KDM4B: variants seen among roughly 807,000 people sequenced by gnomAD.
KDM4B encodes lysine-specific demethylase 4B.
A neutral mutation model predicts 125.2 loss-of-function variants in KDM4B; 32 were observed. The observed-to-expected ratio is 0.26, with a 90% CI of 0.19 to 0.34. The LOEUF (loss-of-function observed/expected upper bound fraction) is 0.34. KDM4B is among the 10% of genes least tolerant of loss of function. KDM4B has a pLI of 1.00. For missense variants in KDM4B, 1,190 were observed against 1,577.7 expected, an observed-to-expected ratio of 0.75 and a Z score of 4.16; for synonymous variants, 721 against 677.9, an observed-to-expected ratio of 1.06 and a Z score of -0.99.
At chr19:5,014,020 G>A (rs1290279458) in intron 1 of KDM4B, among the ~76,000 whole-genome samples, 1 of 152,246 alleles carries the variant, frequency 6.6e-6, no homozygotes, top group South Asian at 2.1e-4. Context: ...CTTCCTACCC[G>A]GGGCGGGGCC....
chr19:5,132,075 G>C (rs954510121), intron 13 of KDM4B, 68 bp downstream of exon 13: 2 of 1,484,292 alleles, frequency 1.3e-6, no homozygotes, highest in Admixed American at 2.4e-5. Flanking sequence ...CTGGAGGGGG[G>C]GCCTGGCTCC....
At chr19:5,007,304 T>A (rs2035591474) in intron 1 of KDM4B, among the ~76,000 whole-genome samples, 1 of 152,198 alleles carries the variant, frequency 6.6e-6, no homozygotes, top group Non-Finnish European at 1.5e-5. Flanking sequence ...CCTCTCCTCT[T>A]CTCCCTTGCT....
intron 1 of KDM4B, among the ~76,000 whole-genome samples, chr19:4,973,470 T>A (rs1483078738): frequency 6.6e-6 from 1 of 152,230 alleles, no homozygotes; most frequent in African/African-American, 2.4e-5. Context: ...ATTACAGGCA[T>A]GAGCCACTAT....
intron 1 of KDM4B, among the ~76,000 whole-genome samples, chr19:4,986,328 T>C (rs975802891): frequency 6.6e-6 from 1 of 152,192 alleles, no homozygotes; most frequent in African/African-American, 2.4e-5. Flanking sequence ...CTTGGGGCAG[T>C]GTCTCCGTGT....
At chr19:4,988,521 C>T (rs1344698143) in intron 1 of KDM4B, among the ~76,000 whole-genome samples, 4 of 152,252 alleles carry the variant, frequency 2.6e-5, no homozygotes, top group South Asian at 2.1e-4. Flanking sequence ...GTGATCCACC[C>T]GCCTCGGCTT....
At position 5,133,936 on chromosome 19, in the gene KDM4B, C is replaced by T. The variant is rs2039603141; in HGVS notation, c.1960C>T (p.Pro654Ser). The stretch of plus-strand genomic sequence containing the variant: ...TGTGAGTGACCCGGACGCCTTGAGG[C>T]CGCTGCTGTCTCTGCAGTGGAAGAA... ...EDVSDPDALR[P>S]LLSLQWKNRA... Residue 654 changes from proline (P) to serine (S), a missense_variant, in exon 14 of 23, where the codon CCG becomes TCG. Physicochemically the swap from Pro to Ser is moderately conservative, Grantham distance 74 (BLOSUM62 -1). Transcript: ENST00000159111. The T allele has an allele frequency of 6.2e-7, 1 of 1,613,016 alleles. No homozygotes were observed. Among genetic ancestry groups the T allele is most frequent in the Non-Finnish European group, 8.5e-7 (1 of 1,179,960 alleles).
chr19:5,131,417 C>T lies in KDM4B; in HGVS notation c.1657C>T (p.His553Tyr). 6.2e-7 allele frequency: 1 copy of T among 1,611,224 alleles called. No homozygotes were observed. The highest frequency in any genetic ancestry group is 8.5e-7 in the Non-Finnish European group (1 of 1,179,636). ...EHVSCQQAFE[H>Y]FAQKGPTWKE... ...CGTGTCCTGCCAGCAGGCCTTTGAG[C>T]ACTTTGCCCAGAAGGGTCCGACCTG... Residue 553 changes from histidine (H) to tyrosine (Y), a missense_variant, in exon 12 of 23, where the codon CAC becomes TAC. Coordinates refer to ENST00000159111, the MANE Select transcript of KDM4B (RefSeq NM_015015.3).
chr19:5,118,410 G>A (rs1280856511), intron 10 of KDM4B, among the ~76,000 whole-genome samples: 2 of 152,172 alleles, frequency 1.3e-5, no homozygotes, highest in African/African-American at 2.4e-5. Context: ...CTGGGGAGCC[G>A]GGCTGTGCGG....
intron 1 of KDM4B, among the ~76,000 whole-genome samples, chr19:4,994,020 G>GTTTTTTTTTTTTTTTT (rs55641886): frequency 5.1e-4 from 34 of 66,676 alleles, no homozygotes; most frequent in Non-Finnish European, 7.3e-4. Flanking sequence ...TTTTCAGCCT[G>GTTTTTTTTTTTTTTTT]TTTTTTTTTT....
At chr19:5,064,317 G>A (rs1215009530) in intron 6 of KDM4B, among the ~76,000 whole-genome samples, 2 of 152,188 alleles carry the variant, frequency 1.3e-5, no homozygotes, top group African/African-American at 2.4e-5. Flanking sequence ...CGATGATAGC[G>A]CATTAAATGG....
rs11881900 is a variant in KDM4B at position 4,997,446 on chromosome 19, C to T, written c.-108-18811C>T. On this transcript the variant is annotated intron_variant, in intron 1 of 22. Transcript: ENST00000159111. The surrounding 1 kb of genome is among the most constrained non-coding windows in gnomAD (Gnocchi z 4.2). ...TCTGGGGGCGGCGAGGTGGGCTGGG[C>T]TTTGTGTTTCCAACATGTCCACCCC... 8.5e-3 allele frequency among the ~76,000 whole-genome samples: 1,290 copies of T among 152,148 alleles called. 20 individuals carry two copies. The highest frequency in any genetic ancestry group is 0.029 in the African/African-American group (1,213 of 41,518).
At position 5,082,633 on chromosome 19, in the gene KDM4B, G is replaced by C; in HGVS notation, c.918+129G>C. On this transcript the variant is annotated intron_variant, in intron 9 of 22. Transcript: ENST00000159111. This position sits in a 1 kb window ranked among gnomAD's most constrained non-coding sequence, Gnocchi z 5.4. ...AGCCCAGGGCCTGGGCTCTCAACCAGGGTCTGATTCTGGGCTCCTCAGAGA... is the reference window on the plus strand; with the variant it reads ...AGCCCAGGGCCTGGGCTCTCAACCACGGTCTGATTCTGGGCTCCTCAGAGA... 9.7e-7 allele frequency: 1 copy of C among 1,036,200 alleles called. No individual in the cohort carries two copies. Among genetic ancestry groups the C allele is most frequent in the Non-Finnish European group, 1.4e-6 (1 of 737,726 alleles). The allele number at this position is 1,036,200 out of a possible 1,614,324, so 64.2% of individuals were successfully genotyped here.
chr19:5,103,494 C>T lies in KDM4B; in HGVS notation c.919-7128C>T, dbSNP rs565157342. Among the ~76,000 whole-genome samples, 4 of 152,322 alleles carry T rather than the reference C, an allele frequency of 2.6e-5. No homozygotes were observed. In the South Asian group the frequency reaches 8.3e-4, roughly 32 times the overall value. On this transcript the variant is annotated intron_variant, in intron 9 of 22. Coordinates refer to ENST00000159111, the MANE Select transcript of KDM4B (RefSeq NM_015015.3). The stretch of plus-strand genomic sequence containing the variant: ...TCGGGCTGTCGGACGCGTCAGTCTT[C>T]AGGGGCAGGTGACGGCCGCACTGCT...
At position 5,151,712 on chromosome 19, in the gene KDM4B, G is replaced by A. The variant is rs2039952296; in HGVS notation, c.*201G>A. On this transcript the variant is annotated 3_prime_UTR_variant, in exon 23 of 23. Transcript: ENST00000159111. The stretch of plus-strand genomic sequence containing the variant: ...TCAGGGAGCAGGGCCAGGCGGGCTC[G>A]GGGGCCGGCCAGGGGAGCACCCCAC... 6 of 410,268 alleles carry A rather than the reference G, an allele frequency of 1.5e-5. No individual in the cohort carries two copies. The highest frequency in any genetic ancestry group is 2.1e-5 in the African/African-American group (1 of 48,708). The allele number at this position is 410,268 out of a possible 1,614,324, so 25.4% of individuals were successfully genotyped here. A position where few individuals can be genotyped will look rare whatever the true frequency, so the allele number is the denominator to read the frequency against.
At chr19:5,056,166 TGTG>T (rs1385167015) in intron 6 of KDM4B, among the ~76,000 whole-genome samples, 1 of 152,152 alleles carries the variant, frequency 6.6e-6, no homozygotes, top group Non-Finnish European at 1.5e-5. Flanking sequence ...ATGTTTTTCT[TGTG>T]GTTAGATTGG....
intron 6 of KDM4B, 35 bp from the exon 7 acceptor site, chr19:5,070,975 G>C (rs1188078362): frequency 4.3e-6 from 7 of 1,612,842 alleles, no homozygotes; most frequent in Non-Finnish European, 5.9e-6. Flanking sequence ...GGCTGCCACC[G>C]ATCTTGCCTC....
intron 2 of KDM4B, among the ~76,000 whole-genome samples, chr19:5,030,605 G>C (rs2036420697): frequency 6.6e-6 from 1 of 152,248 alleles, no homozygotes; most frequent in South Asian, 2.1e-4. Context: ...AGGGGCTGCT[G>C]GGTGCACGAG....
chr19:5,144,300 G>T lies in KDM4B; in HGVS notation c.2789G>T (p.Arg930Leu), dbSNP rs369926207. ...GGCCAGGTGGTCATCACCAAGAACC[G>T]CAACGGGCTGTACTACCGCTGTCGC... ...SLGQVVITKN[R>L]NGLYYRCRVI... is the part of the protein sequence containing the mutation. The change falls in exon 20 of 23, where the codon CGC becomes CTC. Residue 930 changes from arginine to leucine, a missense_variant. Coordinates refer to ENST00000159111, the MANE Select transcript of KDM4B (RefSeq NM_015015.3). The T allele has an allele frequency of 1.3e-6, 2 of 1,591,934 alleles. No individual in the cohort carries two copies. Among genetic ancestry groups the T allele is most frequent in the Non-Finnish European group, 1.7e-6 (2 of 1,169,776 alleles).
intron 9 of KDM4B, among the ~76,000 whole-genome samples, chr19:5,107,193 G>A (rs773315753): frequency 6.6e-6 from 1 of 152,248 alleles, no homozygotes; most frequent in Non-Finnish European, 1.5e-5. Context: ...CACGGTTCTA[G>A]CGGCCATGTG....
Sources: allele counts gnomAD v4.1 joint callset (sites outside exome capture counted in the v4.1 genomes callset), GRCh38; gene constraint gnomAD v4.1.1; non-coding constraint Gnocchi (gnomAD v3.1); transcripts MANE v1.5; gene names NCBI Gene and HGNC (gene_info 2026-07-23, HGNC 2026-07-21).